The following SFMBT2 variants were observed in gnomAD, a reference collection of about 807,000 sequenced individuals.
SFMBT2 encodes scm-like with four MBT domains protein 2.
Under a neutral mutation model 110.1 loss-of-function variants are expected in SFMBT2, and 38 were observed. The ratio of observed to expected loss-of-function variants is 0.35; its 90% CI spans 0.27 to 0.45. SFMBT2 has a LOEUF of 0.45. Among genes scored for constraint, SFMBT2 ranks in the 20% least tolerant of loss-of-function variants. SFMBT2 has a pLI of 1.00. For synonymous variants in SFMBT2, 425 were observed against 425.4 expected, an observed-to-expected ratio of 1.00 and a Z score of 0.01; for missense variants, 1,011 against 1,094.9, an observed-to-expected ratio of 0.92 and a Z score of 1.08.
chr10:7,338,647 G>A (rs1843793977), intron 4 of SFMBT2, among the ~76,000 whole-genome samples: 1 of 152,156 alleles, frequency 6.6e-6, no homozygotes, highest in South Asian at 2.1e-4. Context: ...TGCTGTCTCA[G>A]GGGTGGCAGA....
chr10:7,225,759 AAGAG>A (rs1186334229), intron 10 of SFMBT2, among the ~76,000 whole-genome samples: 1 of 152,206 alleles, frequency 6.6e-6, no homozygotes, highest in Non-Finnish European at 1.5e-5. Flanking sequence ...TATAGAATGA[AAGAG>A]AGAGAGAAGG....
intron 11 of SFMBT2, chr10:7,207,468 AAAGAGAAAGG>A: frequency 8.2e-6 from 2 of 244,178 alleles, no homozygotes; most frequent in African/African-American, 6.9e-5. Context: ...AAAAAGAAAG[AAAGAGAAAGG>A]AAGGAAGGAA....
Position 7,354,101 on chromosome 10 carries a change from T to A in SFMBT2, c.436+13548A>T, listed in dbSNP as rs1018739806. 1.1e-3 allele frequency among the ~76,000 whole-genome samples: 157 copies of A among 147,250 alleles called. 1 individual carries two copies. The highest frequency in any genetic ancestry group is 3.9e-3 in the African/African-American group (150 of 38,932). On this transcript the variant is annotated intron_variant, in intron 4 of 20. Transcript: ENST00000397167. The stretch of plus-strand genomic sequence containing the variant: ...GACTCCCTCTCCAAAAAAAAAAAAA[T>A]ATAAATAAAACAAAAAAATAAATAA...
intron 9 of SFMBT2, among the ~76,000 whole-genome samples, chr10:7,239,206 T>C (rs771610524): frequency 1.1e-4 from 17 of 152,222 alleles, no homozygotes; most frequent in Non-Finnish European, 2.2e-4. Context: ...AAGCAACACA[T>C]TGTAATTGTA....
chr10:7,291,854 G>A (rs1364816581), intron 4 of SFMBT2, among the ~76,000 whole-genome samples: 1 of 152,122 alleles, frequency 6.6e-6, no homozygotes, highest in Admixed American at 6.5e-5. Context: ...GGAAGAAGGA[G>A]AGAATCCGTG....
Position 7,355,195 on chromosome 10 carries a change from T to C in SFMBT2, c.436+12454A>G, listed in dbSNP as rs576121398. ...TTGTTCAAAAATGCTATTTTCCTTC[T>C]AAGTGTCCTACGATTCCAAATGTCC... On this transcript the variant is annotated intron_variant, in intron 4 of 20. Transcript: ENST00000397167. Among the ~76,000 whole-genome samples the C allele has an allele frequency of 2.0e-5, 3 of 152,356 alleles. No individual in the cohort carries two copies. The South Asian group carries it at 6.2e-4, about 32-fold the overall frequency.
chr10:7,325,287 C>A (rs1392074870), intron 4 of SFMBT2, among the ~76,000 whole-genome samples: 1 of 152,162 alleles, frequency 6.6e-6, no homozygotes, highest in Non-Finnish European at 1.5e-5. Flanking sequence ...CACTTTCAAA[C>A]ACAGCCACAC....
intron 9 of SFMBT2, among the ~76,000 whole-genome samples, chr10:7,228,759 T>C (rs1333954258): frequency 7.5e-6 from 1 of 132,512 alleles, no homozygotes; most frequent in African/African-American, 2.6e-5. Flanking sequence ...TCTCTCTCTC[T>C]CTCTCTCTCT....
intron 15 of SFMBT2, among the ~76,000 whole-genome samples, chr10:7,190,535 A>G (rs777891349): frequency 3.3e-5 from 5 of 152,244 alleles, no homozygotes; most frequent in African/African-American, 7.2e-5. Context: ...TTGATGCCAC[A>G]TCATCCGTCT....
At chr10:7,216,033 C>T (rs911248530) in intron 11 of SFMBT2, among the ~76,000 whole-genome samples, 1 of 152,202 alleles carries the variant, frequency 6.6e-6, no homozygotes. Flanking sequence ...TTAATGCAAA[C>T]CAAGCCCCTG....
At chr10:7,268,579 C>A (rs905806557) in intron 7 of SFMBT2, among the ~76,000 whole-genome samples, 1 of 151,814 alleles carries the variant, frequency 6.6e-6, no homozygotes, top group African/African-American at 2.4e-5. Flanking sequence ...GGCACGATCT[C>A]GGCTCACTGC....
chr10:7,283,441 G>A (rs191410530), intron 6 of SFMBT2, among the ~76,000 whole-genome samples: 8 of 152,292 alleles, frequency 5.3e-5, no homozygotes, highest in African/African-American at 1.9e-4. Context: ...ATAGATGAAT[G>A]CTGGATGGAT....
At chr10:7,399,955 A>T (rs1846028617) in intron 1 of SFMBT2, among the ~76,000 whole-genome samples, 1 of 152,238 alleles carries the variant, frequency 6.6e-6, no homozygotes, top group Non-Finnish European at 1.5e-5. Context: ...GGTCTGAGCC[A>T]GATCACAAAA....
intron 9 of SFMBT2, among the ~76,000 whole-genome samples, chr10:7,242,452 A>C (rs954324147): frequency 2.0e-5 from 3 of 152,332 alleles, no homozygotes; most frequent in Admixed American, 6.5e-5. Context: ...TGTGACTTAG[A>C]TTCTTCATAG....
intron 8 of SFMBT2, among the ~76,000 whole-genome samples, chr10:7,247,574 A>C (rs1400366542): frequency 6.6e-6 from 1 of 152,270 alleles, no homozygotes; most frequent in Non-Finnish European, 1.5e-5. Context: ...TTACCAAATC[A>C]TAAATTTTTA....
chr10:7,167,508 G>A (rs1837728702), intron 20 of SFMBT2, among the ~76,000 whole-genome samples: 2 of 152,174 alleles, frequency 1.3e-5, no homozygotes, highest in Non-Finnish European at 2.9e-5. Context: ...ACCATGCTGT[G>A]CACTGTGATC....
At chr10:7,215,653 C>A in intron 11 of SFMBT2, 1 of 985,416 alleles carries the variant, frequency 1.0e-6, no homozygotes, top group Non-Finnish European at 1.2e-6. Flanking sequence ...GCAGAGGCAG[C>A]ACAGAACCCT....
intron 1 of SFMBT2, among the ~76,000 whole-genome samples, chr10:7,385,764 C>T (rs149357613): frequency 0.023 from 3,487 of 152,186 alleles, 58 homozygotes; most frequent in Non-Finnish European, 0.035. Flanking sequence ...CTTTGGGAGG[C>T]CGAGGCGGGC....
At chr10:7,377,019 A>C (rs1156460528) in intron 2 of SFMBT2, among the ~76,000 whole-genome samples, 1 of 151,444 alleles carries the variant, frequency 6.6e-6, no homozygotes, top group African/African-American at 2.4e-5. Context: ...AAATACAAAA[A>C]TTAGCTGGGC....
Sources: gnomAD v4.1 joint callset for allele counts (sites outside exome capture counted in the v4.1 genomes callset) on GRCh38, gnomAD v4.1.1 for gene constraint, MANE v1.5 for transcripts, NCBI Gene and HGNC (gene_info 2026-07-23, HGNC 2026-07-21) for gene names.